The following PREX2 variants were observed in gnomAD, a reference collection of about 807,000 sequenced individuals.
The protein encoded by PREX2 is phosphatidylinositol-3,4,5-trisphosphate dependent Rac exchange factor 2, also known as phosphatidylinositol 3,4,5-trisphosphate-dependent Rac exchanger 2 protein.
A neutral mutation model predicts 203.2 loss-of-function variants in PREX2; 107 were observed. The ratio of observed to expected loss-of-function variants is 0.53; its 90% CI spans 0.45 to 0.62. The LOEUF (loss-of-function observed/expected upper bound fraction) is 0.62. Ranked by LOEUF, PREX2 falls within the 20% of genes least tolerant of loss-of-function variation. The probability of loss-of-function intolerance (pLI) is 0.00; values close to 1 mark genes in which losing one functional copy is unlikely to be tolerated. For synonymous variants in PREX2, 672 were observed against 663.6 expected, an observed-to-expected ratio of 1.01 and a Z score of -0.19; for missense variants, 1,777 against 1,955.9, an observed-to-expected ratio of 0.91 and a Z score of 1.72.
chr8:68,005,321 G>A (rs765058761), intron 1 of PREX2, among the ~76,000 whole-genome samples: 6 of 152,130 alleles, frequency 3.9e-5, no homozygotes, highest in Middle Eastern at 3.2e-3. Context: ...CAGCACCATC[G>A]TCTTTCACTT....
At position 67,958,601 on chromosome 8, in the gene PREX2, A is replaced by G. The variant is rs139256124; in HGVS notation, c.141+6066A>G. Among the ~76,000 whole-genome samples, 15 of 152,336 alleles carry G rather than the reference A, an allele frequency of 9.8e-5. No homozygotes were observed. The East Asian group carries it at 2.9e-3, about 29-fold the overall frequency. ...AGTCTGTCATTGCATTAGTCCAGGT[A>G]AGAAATGTGGAAAGTCTGATCTGGG... is the stretch of plus-strand genomic sequence containing the variant. On this transcript the variant is annotated intron_variant, in intron 1 of 39. Transcript: ENST00000288368.
At chr8:68,059,774 G>A (rs1350645902) in intron 10 of PREX2, among the ~76,000 whole-genome samples, 2 of 152,100 alleles carry the variant, frequency 1.3e-5, no homozygotes, top group African/African-American at 4.8e-5. Context: ...TGGTTGTCAG[G>A]AATCAGCTCC....
At position 68,003,965 on chromosome 8, in the gene PREX2, C is replaced by A. The variant is rs140579952; in HGVS notation, c.142-13881C>A. On this transcript the variant is annotated intron_variant, in intron 1 of 39. Coordinates refer to ENST00000288368, the MANE Select transcript of PREX2 (RefSeq NM_024870.4). ...CCCCGTTCCAGCGATTCTCCTGCCT[C>A]AGCCTCCCAAGTAGCTGGGACTACA... 1.2e-3 allele frequency among the ~76,000 whole-genome samples: 179 copies of A among 151,686 alleles called. 3 individuals carry two copies. The East Asian group carries it at 0.03, about 25-fold the overall frequency.
chr8:68,065,535 G>A (rs1433068575), intron 11 of PREX2, among the ~76,000 whole-genome samples: 2 of 152,150 alleles, frequency 1.3e-5, no homozygotes, highest in Admixed American at 1.3e-4. Context: ...GGGTAAAAGA[G>A]CTGAAACTTC....
intron 23 of PREX2, chr8:68,105,508 G>GCC (rs1057405626): frequency 8.6e-7 from 1 of 1,157,040 alleles, no homozygotes; most frequent in African/African-American, 1.6e-5. Flanking sequence ...AGAATCTTCT[G>GCC]CCAGCTCTCC....
intron 1 of PREX2, among the ~76,000 whole-genome samples, chr8:67,967,863 T>G (rs963987432): frequency 6.6e-6 from 1 of 152,000 alleles, no homozygotes; most frequent in Non-Finnish European, 1.5e-5. Context: ...TTCTCACTCA[T>G]AGGTGGGAAT....
chr8:68,077,985 G>C (rs1809399042), intron 15 of PREX2, among the ~76,000 whole-genome samples: 1 of 151,928 alleles, frequency 6.6e-6, no homozygotes, highest in South Asian at 2.1e-4. Flanking sequence ...CTTGTCTGAT[G>C]ATTTCAAGTA....
chr8:68,112,362 G>C (rs1285322915), intron 25 of PREX2, among the ~76,000 whole-genome samples: 1 of 152,160 alleles, frequency 6.6e-6, no homozygotes, highest in African/African-American at 2.4e-5. Flanking sequence ...TTCTCACAGG[G>C]AGGAAAGGGG....
Position 67,952,415 on chromosome 8 carries a change from A to AGACAGCCGCGCC in PREX2, c.24_35dup (p.Asp8_Ala11dup), listed in dbSNP as rs750553168. 7 of 1,567,580 alleles carry AGACAGCCGCGCC rather than the reference A, an allele frequency of 4.5e-6. No individual in the cohort carries two copies. In the South Asian group the frequency reaches 8.2e-5, roughly 18 times the overall value. On this transcript the variant is annotated inframe_insertion, in exon 1 of 40. Coordinates refer to ENST00000288368, the MANE Select transcript of PREX2 (RefSeq NM_024870.4). ...CGACCATGAGCGAGGACAGCCGCGG[A>AGACAGCCGCGCC]GACAGCCGCGCCGAGAGCGCCAAGG...
In PREX2 at chr8:68,146,286, GAAC is replaced by G; in HGVS notation, c.4169_4171del (p.Gln1390del). 6.2e-7 allele frequency: 1 copy of G among 1,612,666 alleles called. No individual in the cohort carries two copies. Among genetic ancestry groups the G allele is most frequent in the Non-Finnish European group, 8.5e-7 (1 of 1,179,282 alleles). On this transcript the variant is annotated inframe_deletion, in exon 34 of 40. Coordinates refer to ENST00000288368, the MANE Select transcript of PREX2 (RefSeq NM_024870.4). ...CTTCTACATTGATAGTTATCATTTT[GAAC>G]AACTTCCTCAACGGCTGAAAAATGG...
intron 1 of PREX2, among the ~76,000 whole-genome samples, chr8:67,999,057 A>T (rs1806853444): frequency 6.6e-6 from 1 of 152,160 alleles, no homozygotes. Flanking sequence ...TCTACATCTC[A>T]ATTGAAATAC....
At chr8:68,076,009 C>T (rs1414337488) in intron 14 of PREX2, among the ~76,000 whole-genome samples, 1 of 152,140 alleles carries the variant, frequency 6.6e-6, no homozygotes, top group Admixed American at 6.5e-5. Flanking sequence ...TTGCCTACAG[C>T]AAGAGGTATG....
At chr8:68,119,407 G>T (rs1810722259) in intron 27 of PREX2, 25 bp from the exon 28 acceptor site, 3 of 1,578,268 alleles carry the variant, frequency 1.9e-6, no homozygotes, top group African/African-American at 1.3e-5. Context: ...TTGGTTTTTG[G>T]TTTTGTTTTT....
At chr8:68,102,942 T>C (rs767982722) in intron 23 of PREX2, 1 of 517,862 alleles carries the variant, frequency 1.9e-6, no homozygotes, top group South Asian at 1.4e-5. Context: ...GAAGTAAAAT[T>C]ATGCCCTGTT....
At chr8:67,981,181 C>G (rs1183218105) in intron 1 of PREX2, among the ~76,000 whole-genome samples, 1 of 152,116 alleles carries the variant, frequency 6.6e-6, no homozygotes, top group Non-Finnish European at 1.5e-5. Context: ...CAACAAATGC[C>G]TAATATAAGG....
chr8:67,981,691 AC>A (rs1331170025), intron 1 of PREX2, among the ~76,000 whole-genome samples: 3 of 152,238 alleles, frequency 2.0e-5, no homozygotes, highest in Non-Finnish European at 4.4e-5. Flanking sequence ...GAACTTTAAC[AC>A]CACTAGAAGA....
chr8:68,063,895 A>G lies in PREX2; in HGVS notation c.1339+3116A>G, dbSNP rs141671623. On this transcript the variant is annotated intron_variant, in intron 11 of 39. Transcript: ENST00000288368. ...AGCCAAATGTGCTAGTATCATTAGT[A>G]TGAGGTTCCAGCTGCATTTTGGTGA... is the stretch of plus-strand genomic sequence containing the variant. Among the ~76,000 whole-genome samples the G allele has an allele frequency of 2.0e-4, 30 of 152,340 alleles. 1 individual carries two copies. Among genetic ancestry groups the G allele is most frequent in the African/African-American group, 7.2e-4 (30 of 41,578 alleles).
chr8:68,122,374 A>G (rs1258766347), intron 30 of PREX2, among the ~76,000 whole-genome samples: 1 of 152,058 alleles, frequency 6.6e-6, no homozygotes, highest in Non-Finnish European at 1.5e-5. Flanking sequence ...TGTAATGTTT[A>G]TCTGTGATAC....
intron 1 of PREX2, among the ~76,000 whole-genome samples, chr8:67,962,796 TG>T (rs1337063183): frequency 1.3e-5 from 2 of 151,792 alleles, no homozygotes; most frequent in African/African-American, 4.8e-5. Context: ...TTAATGGAGA[TG>T]GGGTTTCACC....
Sources: allele counts gnomAD v4.1 joint callset (sites outside exome capture counted in the v4.1 genomes callset), GRCh38; gene constraint gnomAD v4.1.1; transcripts MANE v1.5; gene names NCBI Gene and HGNC (gene_info 2026-07-23, HGNC 2026-07-21).